The following AFF3 variants were observed in gnomAD, a reference collection of about 807,000 sequenced individuals.
AFF3 encodes ALF transcription elongation factor 3.
AFF3 carries 32 observed loss-of-function variants against 129.7 expected under a neutral mutation model. The ratio of observed to expected loss-of-function variants is 0.25; its 90% CI spans 0.19 to 0.33. The LOEUF is 0.33. Ranked by LOEUF, AFF3 falls within the 10% of genes least tolerant of loss-of-function variation. The pLI is 1.00. For missense variants in AFF3, 1,373 were observed against 1,592.0 expected, an observed-to-expected ratio of 0.86 and a Z score of 2.34; for synonymous variants, 644 against 635.4, an observed-to-expected ratio of 1.01 and a Z score of -0.20.
intron 13 of AFF3, among the ~76,000 whole-genome samples, chr2:99,648,915 A>T (rs868666337): frequency 0.12 from 4,196 of 35,104 alleles, 98 homozygotes; most frequent in East Asian, 0.2. Context: ...ACACACACAC[A>T]CACTCTCTCT....
intron 17 of AFF3, among the ~76,000 whole-genome samples, chr2:99,581,837 G>A (rs904588923): frequency 2.0e-4 from 29 of 148,348 alleles, no homozygotes; most frequent in African/African-American, 3.5e-4. Flanking sequence ...TTGCTTAGGC[G>A]TCCCTAGGTG....
At chr2:99,977,401 C>A (rs1678999429) in intron 7 of AFF3, among the ~76,000 whole-genome samples, 1 of 152,192 alleles carries the variant, frequency 6.6e-6, no homozygotes, top group Non-Finnish European at 1.5e-5. Context: ...GAACTCTGCT[C>A]CCTCACTGTA....
intron 1 of AFF3, among the ~76,000 whole-genome samples, chr2:100,137,698 C>A (rs1354989409): frequency 6.6e-6 from 1 of 152,212 alleles, no homozygotes; most frequent in Non-Finnish European, 1.5e-5. Context: ...GCGGGGACCT[C>A]TCATCTGTGT....
chr2:99,788,204 T>C (rs1441087556), intron 8 of AFF3, among the ~76,000 whole-genome samples: 1 of 152,228 alleles, frequency 6.6e-6, no homozygotes, highest in African/African-American at 2.4e-5. Flanking sequence ...CATTACACTA[T>C]ACTTTTATTA....
chr2:100,010,543 A>G (rs868727756), intron 4 of AFF3, among the ~76,000 whole-genome samples: 1 of 152,336 alleles, frequency 6.6e-6, no homozygotes, highest in Middle Eastern at 3.4e-3. Flanking sequence ...ATTCATCCTT[A>G]GTATATTACC....
intron 7 of AFF3, among the ~76,000 whole-genome samples, chr2:100,005,038 G>A (rs1241567614): frequency 6.6e-6 from 1 of 152,122 alleles, no homozygotes; most frequent in African/African-American, 2.4e-5. Flanking sequence ...CCCATAGAAA[G>A]CTCTGATTTC....
chr2:99,635,409 C>T (rs1352953432), intron 13 of AFF3, among the ~76,000 whole-genome samples: 1 of 152,062 alleles, frequency 6.6e-6, no homozygotes, highest in Admixed American at 6.6e-5. Flanking sequence ...GCAATCTTTC[C>T]ACTTCAGCCT....
chr2:100,051,361 G>A (rs1456785323), intron 4 of AFF3, among the ~76,000 whole-genome samples: 1 of 152,208 alleles, frequency 6.6e-6, no homozygotes, highest in Non-Finnish European at 1.5e-5. Context: ...TGAAGAACTA[G>A]TTAAGGCGGG....
At chr2:100,106,708 G>A (rs995429367) in intron 2 of AFF3, 121 of 985,810 alleles carry the variant, frequency 1.2e-4, no homozygotes, top group Non-Finnish European at 1.4e-4. Flanking sequence ...CCCTCACCGG[G>A]ATCTGGCTTT....
At chr2:100,067,779 A>G (rs1201400744) in intron 4 of AFF3, among the ~76,000 whole-genome samples, 1 of 152,174 alleles carries the variant, frequency 6.6e-6, no homozygotes, top group Non-Finnish European at 1.5e-5. Flanking sequence ...CTAGAAAATT[A>G]AAAGACTTGT....
intron 4 of AFF3, among the ~76,000 whole-genome samples, chr2:100,075,932 C>T (rs1688556950): frequency 6.6e-6 from 1 of 152,192 alleles, no homozygotes; most frequent in Non-Finnish European, 1.5e-5. Context: ...GACACAGCCA[C>T]ACCCAAAGGC....
At chr2:99,975,861 TTAAAA>T (rs1257731516) in intron 7 of AFF3, among the ~76,000 whole-genome samples, 1 of 82,604 alleles carries the variant, frequency 1.2e-5, no homozygotes, top group Non-Finnish European at 2.4e-5. Context: ...AAATAGAAGA[TTAAAA>T]TGAAAAAAAA....
intron 10 of AFF3, among the ~76,000 whole-genome samples, chr2:99,739,169 C>T (rs1238898406): frequency 6.6e-6 from 1 of 151,874 alleles, no homozygotes; most frequent in South Asian, 2.1e-4. Context: ...GCAAGCAATT[C>T]GCACTTGTTC....
chr2:99,904,726 A>G lies in AFF3; in HGVS notation c.874-67202T>C, dbSNP rs534783813. ...TTGCCGCTTCCCCAGACAACCCAGG[A>G]GTCCCTCCTTTCCCACAGGGAGAGG... On this transcript the variant is annotated intron_variant, in intron 7 of 24. Coordinates refer to ENST00000672756, the MANE Select transcript of AFF3 (RefSeq NM_001386135.1). Among the ~76,000 whole-genome samples, 59 of 152,258 alleles carry G rather than the reference A, an allele frequency of 3.9e-4. No homozygotes were observed. The South Asian group carries it at 3.9e-3, about 10-fold the overall frequency.
At chr2:99,591,960 T>A (rs1166242933) in intron 15 of AFF3, among the ~76,000 whole-genome samples, 1 of 152,254 alleles carries the variant, frequency 6.6e-6, no homozygotes, top group Non-Finnish European at 1.5e-5. Flanking sequence ...GAGCAGCATC[T>A]GTCATGGGGA....
intron 11 of AFF3, among the ~76,000 whole-genome samples, chr2:99,687,734 T>A (rs1053313131): frequency 6.6e-6 from 1 of 152,216 alleles, no homozygotes; most frequent in Non-Finnish European, 1.5e-5. Flanking sequence ...ACAGAAAAGT[T>A]ACCAAGAGAA....
At chr2:99,655,936 G>A (rs1451537188) in intron 12 of AFF3, among the ~76,000 whole-genome samples, 3 of 152,178 alleles carry the variant, frequency 2.0e-5, no homozygotes, top group African/African-American at 7.2e-5. Flanking sequence ...GGGAACAGGT[G>A]ACTGATTGGA....
In AFF3 at chr2:99,593,606, C is replaced by T; in HGVS notation, c.2055G>A (p.Gln685=). Residue 685 remains glutamine, a synonymous_variant, in exon 15 of 25, where the codon CAG becomes CAA. Transcript: ENST00000672756. ...GTGCTTTGGACAGAGGGTACTCCTC[C>T]TGCTCGGACTCCAGGTCGGAGTCCG... ...SSSDSDLESE[Q]EEYPLSKAQT... The T allele has an allele frequency of 3.7e-6, 6 of 1,612,074 alleles. No individual in the cohort carries two copies. Among genetic ancestry groups the T allele is most frequent in the Non-Finnish European group, 5.1e-6 (6 of 1,179,126 alleles).
At chr2:99,862,118 T>C (rs1481848169) in intron 7 of AFF3, among the ~76,000 whole-genome samples, 1 of 152,196 alleles carries the variant, frequency 6.6e-6, no homozygotes, top group African/African-American at 2.4e-5. Context: ...GACCTCATCA[T>C]TGTGATCCTG....
Sources: allele counts gnomAD v4.1 joint callset (sites outside exome capture counted in the v4.1 genomes callset), GRCh38; gene constraint gnomAD v4.1.1; transcripts MANE v1.5; gene names NCBI Gene and HGNC (gene_info 2026-07-23, HGNC 2026-07-21).